The following GABBR2 variants were observed in gnomAD, a reference collection of about 807,000 sequenced individuals.
GABBR2 encodes G-protein coupled receptor 51.
In GABBR2, 23 loss-of-function variants were observed where a neutral mutation model predicts 105.6. That is an observed-to-expected ratio of 0.22 (90% CI 0.16 to 0.31). The LOEUF (loss-of-function observed/expected upper bound fraction) is 0.31. Among genes scored for constraint, GABBR2 ranks in the 10% least tolerant of loss-of-function variants. GABBR2 has a pLI of 1.00. For missense variants in GABBR2, 734 were observed against 1,245.5 expected, an observed-to-expected ratio of 0.59 and a Z score of 6.18; for synonymous variants, 478 against 499.7, an observed-to-expected ratio of 0.96 and a Z score of 0.58.
At chr9:98,416,351 G>A (rs1009412378) in intron 7 of GABBR2, among the ~76,000 whole-genome samples, 1 of 152,184 alleles carries the variant, frequency 6.6e-6, no homozygotes, top group African/African-American at 2.4e-5. Flanking sequence ...AATCAGCATG[G>A]GACTAGCTGG....
chr9:98,568,861 C>T (rs1199136582), intron 2 of GABBR2, among the ~76,000 whole-genome samples: 1 of 152,170 alleles, frequency 6.6e-6, no homozygotes, highest in African/African-American at 2.4e-5. Flanking sequence ...TGACATGCTG[C>T]CCACTTTCAA....
chr9:98,308,939 C>CAGTT (rs964248581), intron 14 of GABBR2, among the ~76,000 whole-genome samples: 4 of 152,134 alleles, frequency 2.6e-5, no homozygotes, highest in African/African-American at 9.7e-5. Context: ...GGTATAGAAG[C>CAGTT]AGTTAGTCAA....
At chr9:98,686,053 C>A (rs940572332) in intron 1 of GABBR2, among the ~76,000 whole-genome samples, 1 of 152,128 alleles carries the variant, frequency 6.6e-6, no homozygotes, top group African/African-American at 2.4e-5. Flanking sequence ...TTTGGGCTTC[C>A]ATGTCTTTGC....
chr9:98,499,853 ACCAG>A (rs1487421777), intron 3 of GABBR2, among the ~76,000 whole-genome samples: 60 of 152,330 alleles, frequency 3.9e-4, no homozygotes, highest in South Asian at 4.2e-4. Context: ...GGAGTTCAAA[ACCAG>A]CCTGGCCAAC....
chr9:98,565,767 C>A (rs1828742960), intron 2 of GABBR2, among the ~76,000 whole-genome samples: 1 of 152,190 alleles, frequency 6.6e-6, no homozygotes, highest in African/African-American at 2.4e-5. Flanking sequence ...GCCCCAGGCA[C>A]CAGCTAACAA....
intron 4 of GABBR2, among the ~76,000 whole-genome samples, chr9:98,487,413 C>T (rs1207182980): frequency 1.3e-5 from 2 of 152,084 alleles, no homozygotes; most frequent in Non-Finnish European, 2.9e-5. Flanking sequence ...AGGACTTTAC[C>T]ATGGAGCAAG....
chr9:98,485,952 G>A (rs749520972), intron 4 of GABBR2, among the ~76,000 whole-genome samples: 4 of 152,056 alleles, frequency 2.6e-5, no homozygotes, highest in Admixed American at 6.5e-5. Context: ...GGAAAACTCC[G>A]GCCCCCCTGC....
intron 13 of GABBR2, among the ~76,000 whole-genome samples, chr9:98,336,897 G>A (rs1039137657): frequency 2.0e-5 from 3 of 152,144 alleles, no homozygotes; most frequent in Admixed American, 6.5e-5. Context: ...AAGTCTATCC[G>A]AGAATTTTTT....
intron 1 of GABBR2, among the ~76,000 whole-genome samples, chr9:98,621,662 G>A (rs1829672567): frequency 6.6e-6 from 1 of 152,136 alleles, no homozygotes; most frequent in Admixed American, 6.5e-5. Flanking sequence ...GAAAATTAAG[G>A]TCCCTTCTCC....
intron 6 of GABBR2, among the ~76,000 whole-genome samples, chr9:98,460,854 A>G (rs1053559941): frequency 6.6e-6 from 1 of 152,190 alleles, no homozygotes; most frequent in African/African-American, 2.4e-5. Flanking sequence ...AGCACAGTGT[A>G]GTAAAACTGC....
In GABBR2 at chr9:98,429,510, C is replaced by T. The variant is rs184882789; in HGVS notation, c.1237-23369G>A. Among the ~76,000 whole-genome samples the T allele has an allele frequency of 7.3e-4, 111 of 152,290 alleles. 1 individual carries two copies. The East Asian group carries it at 0.016, about 22-fold the overall frequency. ...TTTCTGACTTCTATGTCAGTGACCT[C>T]GCTACGTACATGCCTTTTATTGAGA... On this transcript the variant is annotated intron_variant, in intron 7 of 18. Transcript: ENST00000259455.
intron 1 of GABBR2, among the ~76,000 whole-genome samples, chr9:98,675,117 A>G (rs1192881243): frequency 1.3e-5 from 2 of 152,208 alleles, no homozygotes; most frequent in Non-Finnish European, 2.9e-5. Context: ...CTCAGAGGGA[A>G]GGGCCTTTTC....
At chr9:98,569,099 G>A (rs1378388034) in intron 2 of GABBR2, among the ~76,000 whole-genome samples, 1 of 152,122 alleles carries the variant, frequency 6.6e-6, no homozygotes, top group Non-Finnish European at 1.5e-5. Context: ...GCAAAGAAAT[G>A]GCTCCAACCC....
At chr9:98,487,668 CTTGGGAGGCTGAG>C (rs377234062) in intron 4 of GABBR2, among the ~76,000 whole-genome samples, 1,575 of 152,002 alleles carry the variant, frequency 0.01, 30 homozygotes, top group African/African-American at 0.036. Context: ...GTCCCAGTTA[CTTGGGAGGCTGAG>C]GTGGGAGGAT....
intron 7 of GABBR2, among the ~76,000 whole-genome samples, chr9:98,412,050 C>T (rs1361248105): frequency 6.6e-6 from 1 of 152,182 alleles, no homozygotes; most frequent in Non-Finnish European, 1.5e-5. Flanking sequence ...AAATTCACTC[C>T]AACAAGTTTA....
rs372609813 is a variant in GABBR2 at position 98,575,290 on chromosome 9, C to T, written c.459+2645G>A. On this transcript the variant is annotated intron_variant, in intron 2 of 18. Coordinates refer to ENST00000259455, the MANE Select transcript of GABBR2 (RefSeq NM_005458.8). Reference sequence around the variant, plus strand: ...GCTGGGTCTTAAAGAATGGGCAGCACTTGATACACTGGGTATAGGAAGAAT... The same window carrying T: ...GCTGGGTCTTAAAGAATGGGCAGCATTTGATACACTGGGTATAGGAAGAAT... Among the ~76,000 whole-genome samples, 12 of 152,214 alleles carry T rather than the reference C, an allele frequency of 7.9e-5. No homozygotes were observed. In the East Asian group the frequency reaches 9.7e-4, roughly 12 times the overall value.
intron 1 of GABBR2, among the ~76,000 whole-genome samples, chr9:98,596,640 C>A (rs1829239697): frequency 6.6e-6 from 1 of 152,184 alleles, no homozygotes; most frequent in East Asian, 1.9e-4. Context: ...CATATGGGGA[C>A]CTGCCCCTTG....
At position 98,608,237 on chromosome 9, in the gene GABBR2, T is replaced by C. The variant is rs1291420950; in HGVS notation, c.322-30165A>G. ...CAATTTGAGCCAGTTTTATCTATAATGATGGATTTAAGAGCATGACACACA... is the reference window on the plus strand; with the variant it reads ...CAATTTGAGCCAGTTTTATCTATAACGATGGATTTAAGAGCATGACACACA... On this transcript the variant is annotated intron_variant, in intron 1 of 18. Coordinates refer to ENST00000259455, the MANE Select transcript of GABBR2 (RefSeq NM_005458.8). 4.5e-5 allele frequency: 32 copies of C among 704,236 alleles called. No homozygotes were observed. In the East Asian group the frequency reaches 7.0e-4, roughly 15 times the overall value. The allele number at this position is 704,236 out of a possible 1,614,324, so 43.6% of individuals were successfully genotyped here.
intron 1 of GABBR2, among the ~76,000 whole-genome samples, chr9:98,663,092 G>A (rs922693426): frequency 2.6e-5 from 4 of 152,192 alleles, no homozygotes; most frequent in African/African-American, 9.7e-5. Context: ...GAGACAAGGA[G>A]TTAACACAAT....
Sources: gnomAD v4.1 joint callset for allele counts (sites outside exome capture counted in the v4.1 genomes callset) on GRCh38, gnomAD v4.1.1 for gene constraint, MANE v1.5 for transcripts, NCBI Gene and HGNC (gene_info 2026-07-23, HGNC 2026-07-21) for gene names.